The following ARMCX4 variants were observed in gnomAD, a reference collection of about 807,000 sequenced individuals.
ARMCX4 encodes armadillo repeat-containing X-linked protein 4.
In ARMCX4, 3 loss-of-function variants were observed where a neutral mutation model predicts 34.7. That is an observed-to-expected ratio of 0.09 (90% CI 0.04 to 0.22). ARMCX4 has a LOEUF of 0.22. Among genes scored for constraint, ARMCX4 ranks in the 10% least tolerant of loss-of-function variants. ARMCX4 has a pLI of 1.00. For missense variants in ARMCX4, 1,448 were observed against 1,720.8 expected (o/e 0.84, Z 2.81); for synonymous variants, 513 against 632.8 (o/e 0.81, Z 2.84).
exon 3 of ARMCX4, chrX:101,444,085 G>C: frequency 5.9e-6 from 2 of 340,230 alleles, no homozygotes; most frequent in South Asian, 6.3e-5. Context: ...GCTGTCTTTG[G>C]AACTTTGTCT....
intron 4 of ARMCX4, among the ~76,000 whole-genome samples, chrX:101,464,860 G>C (rs1556001735): frequency 8.9e-6 from 1 of 111,838 alleles, no homozygotes; most frequent in African/African-American, 3.2e-5. Context: ...AATATATATA[G>C]AAAATCTCAC....
chrX:101,504,316 C>T (rs1453674677), intron 7 of ARMCX4, among the ~76,000 whole-genome samples: 1 of 111,461 alleles, frequency 9.0e-6, no homozygotes, highest in Non-Finnish European at 1.9e-5. Flanking sequence ...TTTCCCAATT[C>T]TGTGAAGAAA....
chrX:101,510,820 A>T (rs1277960884), intron 10 of ARMCX4, among the ~76,000 whole-genome samples: 1 of 111,385 alleles, frequency 9.0e-6, no homozygotes, highest in African/African-American at 3.3e-5. Flanking sequence ...TTCATCCCCA[A>T]ATATTTTATT....
At chrX:101,525,199 A>G (rs781926482) in intron 11 of ARMCX4, among the ~76,000 whole-genome samples, 1 of 112,260 alleles carries the variant, frequency 8.9e-6, no homozygotes, top group South Asian at 3.7e-4. Context: ...GTGGACCTCC[A>G]GCAAACTCCA....
chrX:101,494,462 G>A lies in ARMCX4; in HGVS notation c.5873G>A (p.Ser1958Asn). Residue 1958 changes from serine to asparagine, a missense_variant, in exon 6 of 6, where the codon AGT (serine) becomes AAT (asparagine). By Grantham distance (46) the Ser-to-Asn change is conservative (BLOSUM62 1). Coordinates refer to ENST00000423738, the MANE Select transcript of ARMCX4 (RefSeq NM_001256155.3). The part of the protein sequence containing the change: ...SWFCAGNENT[S>N]EDKSAPKAKA... ...TTCTGTGCTGGTAATGAAAACACAAGTGAGGACAAATCTGCACCTAAGGCT... is the reference window on the plus strand; with the variant it reads ...TTCTGTGCTGGTAATGAAAACACAAATGAGGACAAATCTGCACCTAAGGCT... 8.7e-7 allele frequency: 1 copy of A among 1,155,460 alleles called. No individual in the cohort carries two copies. Among genetic ancestry groups the A allele is most frequent in the Non-Finnish European group, 1.1e-6 (1 of 872,681 alleles).
intron 4 of ARMCX4, among the ~76,000 whole-genome samples, chrX:101,480,123 G>GACACACACAC (rs57237822): frequency 3.8e-4 from 29 of 76,688 alleles, no homozygotes; most frequent in Non-Finnish European, 5.4e-4. Context: ...AGGATTTGGA[G>GACACACACAC]ACACACACAC....
chrX:101,518,531 C>T (rs5951341), intron 11 of ARMCX4, among the ~76,000 whole-genome samples: 1 of 109,906 alleles, frequency 9.1e-6, no homozygotes, highest in African/African-American at 3.3e-5. Context: ...AGGAGCAATA[C>T]GAAATCATGA....
intron 2 of ARMCX4, among the ~76,000 whole-genome samples, chrX:101,429,213 T>G (rs1228556265): frequency 9.0e-6 from 1 of 111,143 alleles, no homozygotes; most frequent in Admixed American, 9.7e-5. Flanking sequence ...CAGACTTGCC[T>G]TTGAATCCCT....
chrX:101,510,505 T>C (rs1054789591), intron 10 of ARMCX4, among the ~76,000 whole-genome samples: 6 of 111,985 alleles, frequency 5.4e-5, no homozygotes, highest in African/African-American at 1.9e-4. Flanking sequence ...GGGTCTGTTT[T>C]TGAAACATTT....
intron 4 of ARMCX4, among the ~76,000 whole-genome samples, chrX:101,476,688 C>G (rs782031406): frequency 9.0e-6 from 1 of 110,982 alleles, no homozygotes; most frequent in Non-Finnish European, 1.9e-5. Context: ...GATGTAAAAC[C>G]TGGGATGAGG....
intron 5 of ARMCX4, 123 bp from the exon 6 acceptor site, chrX:101,488,321 C>T: frequency 1.6e-6 from 1 of 617,488 alleles, no homozygotes; most frequent in Non-Finnish European, 2.4e-6. Context: ...GGAGAGGCTG[C>T]TAATCATCCT....
chrX:101,451,703 T>A (rs1346985190), downstream of ARMCX4, among the ~76,000 whole-genome samples: 2 of 112,073 alleles, frequency 1.8e-5, no homozygotes, highest in African/African-American at 6.5e-5. Flanking sequence ...AAAATGTGCT[T>A]CCCAGAGAGC....
chrX:101,478,111 T>C (rs1239263554), intron 4 of ARMCX4, among the ~76,000 whole-genome samples: 1 of 112,085 alleles, frequency 8.9e-6, no homozygotes, highest in African/African-American at 3.2e-5. Flanking sequence ...ACCTTTACTA[T>C]TCAACATTAC....
chrX:101,460,436 G>A (rs1457337471), intron 4 of ARMCX4, among the ~76,000 whole-genome samples: 2 of 111,585 alleles, frequency 1.8e-5, no homozygotes, highest in African/African-American at 6.5e-5. Flanking sequence ...TATTAAATCC[G>A]TAATTCAGAT....
Position 101,491,685 on chromosome X carries a change from T to C in ARMCX4, c.3096T>C (p.Ile1032=). The change falls in exon 6 of 6, where the codon ATT becomes ATC. Residue 1032 remains isoleucine, a synonymous_variant. Coordinates refer to ENST00000423738, the MANE Select transcript of ARMCX4 (RefSeq NM_001256155.3). ...AGTRHSAQPQ[I]VAGSQGETLP... Reference sequence around the variant, plus strand: ...CAAGGCACTCTGCCCAGCCTCAGATTGTGGCCGGTTCCCAGGGTGAGACCT... The same window carrying C: ...CAAGGCACTCTGCCCAGCCTCAGATCGTGGCCGGTTCCCAGGGTGAGACCT... The C allele has an allele frequency of 1.7e-6, 2 of 1,156,624 alleles. No individual in the cohort carries two copies. Among genetic ancestry groups the C allele is most frequent in the Non-Finnish European group, 2.3e-6 (2 of 873,068 alleles).
intron 4 of ARMCX4, among the ~76,000 whole-genome samples, chrX:101,475,037 G>A (rs1251070694): frequency 3.6e-5 from 4 of 109,812 alleles, no homozygotes; most frequent in Admixed American, 1.9e-4. Flanking sequence ...GTCCAGGCAC[G>A]GTGGCTCATG....
chrX:101,490,651 G>A lies in ARMCX4; in HGVS notation c.2062G>A (p.Val688Ile), dbSNP rs1933934753. The stretch of plus-strand genomic sequence containing the variant: ...GGCCTTGCTTGATTCTAAGAATAAG[G>A]TCAAGGGTAATTCCAATGCTGTGTC... Reference protein sequence around the residue: ...GEALLDSKNKVKGNSNAVSKA... With the variant: ...GEALLDSKNKIKGNSNAVSKA... The change falls in exon 6 of 6, where the codon GTC becomes ATC. Residue 688 changes from valine to isoleucine, a missense_variant. This residue lies in a region of ARMCX4 where 1,343 missense variants were observed against 1,540.7 expected (regional missense o/e 0.87). Transcript: ENST00000423738. 4.3e-6 allele frequency: 5 copies of A among 1,156,002 alleles called. No homozygotes were observed. Among genetic ancestry groups the A allele is most frequent in the Non-Finnish European group, 4.6e-6 (4 of 872,915 alleles).
rs1436749397 is a variant in ARMCX4 at position 101,494,310 on chromosome X, G to C, written c.5721G>C (p.Glu1907Asp). 3.5e-6 allele frequency: 4 copies of C among 1,153,390 alleles called. No homozygotes were observed. Among genetic ancestry groups the C allele is most frequent in the Non-Finnish European group, 3.4e-6 (3 of 872,448 alleles). ...GTTTAAGGTCTTTGTTTTGGGCTGA[G>C]AGTGAGAACAGTAATACGTTCAGAT... is the stretch of plus-strand genomic sequence containing the variant. ...EISLRSLFWAESENSNTFRSK... is the reference protein window; with the variant it reads ...EISLRSLFWADSENSNTFRSK... The change falls in exon 6 of 6, where the codon GAG becomes GAC. Residue 1907 changes from glutamate to aspartate, a missense_variant. Physicochemically the swap from Glu to Asp is conservative, Grantham distance 45. Around this residue, in one of 2 missense-constraint regions of ARMCX4, gnomAD observed 1,343 missense variants for 1,540.7 expected, o/e 0.87. Coordinates refer to ENST00000423738, the MANE Select transcript of ARMCX4 (RefSeq NM_001256155.3).
chrX:101,504,482 C>T, intron 7 of ARMCX4, among the ~76,000 whole-genome samples: 1 of 110,289 alleles, frequency 9.1e-6, no homozygotes, highest in Non-Finnish European at 1.9e-5. Flanking sequence ...AGATTCTAGA[C>T]CCCAGACCCT....
Sources: allele counts gnomAD v4.1 joint callset (sites outside exome capture counted in the v4.1 genomes callset), GRCh38; gene constraint gnomAD v4.1.1; regional missense constraint gnomAD v4.1.1; transcripts MANE v1.5; gene names NCBI Gene and HGNC (gene_info 2026-07-23, HGNC 2026-07-21).